Variants in IL1RAPL2 observed in about 807,000 individuals in gnomAD.
IL1RAPL2 encodes the protein X-linked interleukin-1 receptor accessory protein-like 2.
IL1RAPL2 carries 3 observed loss-of-function variants against 44.1 expected under a neutral mutation model. That is an observed-to-expected ratio of 0.07 (90% CI 0.03 to 0.18). The LOEUF (loss-of-function observed/expected upper bound fraction) is 0.18, where lower values mean the gene tolerates loss of function less well. IL1RAPL2 is among the 10% of genes least tolerant of loss of function. The pLI is 1.00. For missense variants in IL1RAPL2, 391 were observed against 496.4 expected (o/e 0.79, Z 2.02); for synonymous variants, 181 against 178.8 (o/e 1.01, Z -0.10).
At chrX:105,237,181 A>C (rs2034127537) in intron 4 of IL1RAPL2, among the ~76,000 whole-genome samples, 1 of 111,879 alleles carries the variant, frequency 8.9e-6, no homozygotes, top group Non-Finnish European at 1.9e-5. Context: ...TGAACTCATC[A>C]TTTTTTATGG....
intron 2 of IL1RAPL2, among the ~76,000 whole-genome samples, chrX:104,885,567 C>T (rs1422116628): frequency 8.9e-6 from 1 of 111,801 alleles, no homozygotes; most frequent in Admixed American, 9.5e-5. Context: ...GCTCCAAAAG[C>T]AAGCCCTGGG....
chrX:105,677,881 A>G lies in IL1RAPL2; in HGVS notation c.773-39486A>G, dbSNP rs765388828. Among the ~76,000 whole-genome samples, 45 of 112,119 alleles carry G rather than the reference A, an allele frequency of 4.0e-4. 1 individual carries two copies. The highest frequency in any genetic ancestry group is 1.4e-3 in the African/African-American group (43 of 30,891). The stretch of plus-strand genomic sequence containing the variant: ...TCTGATGGAGATTGCAGTGTAGTCA[A>G]ATTCTACCACATATTAGCCTATTAA... On this transcript the variant is annotated intron_variant, in intron 6 of 10. Coordinates refer to ENST00000372582, the MANE Select transcript of IL1RAPL2 (RefSeq NM_017416.2).
chrX:104,820,428 G>A (rs1383180403), intron 2 of IL1RAPL2, among the ~76,000 whole-genome samples: 2 of 111,359 alleles, frequency 1.8e-5, no homozygotes, highest in African/African-American at 3.3e-5. Flanking sequence ...AGACCTGTGT[G>A]TGCTTGCTTG....
chrX:104,868,022 G>A (rs901468359), intron 2 of IL1RAPL2, among the ~76,000 whole-genome samples: 3 of 111,698 alleles, frequency 2.7e-5, no homozygotes, highest in African/African-American at 9.8e-5. Context: ...AAGGCACTAG[G>A]TAGGGGGTAC....
intron 6 of IL1RAPL2, among the ~76,000 whole-genome samples, chrX:105,698,647 A>G (rs1391608286): frequency 8.9e-6 from 1 of 112,290 alleles, no homozygotes; most frequent in African/African-American, 3.2e-5. Context: ...GGATAATAAC[A>G]TGTCCTTAAG....
At chrX:105,116,098 C>T (rs761359467) in intron 2 of IL1RAPL2, among the ~76,000 whole-genome samples, 3 of 37,525 alleles carry the variant, frequency 8.0e-5, no homozygotes, top group South Asian at 4.3e-3. Context: ...CCCTTCACAC[C>T]TCCCTGCAAG....
chrX:104,990,710 A>T (rs1034000912), intron 2 of IL1RAPL2, among the ~76,000 whole-genome samples: 1 of 111,777 alleles, frequency 8.9e-6, no homozygotes, highest in Non-Finnish European at 1.9e-5. Context: ...TATATTGCAT[A>T]TTATTATTCA....
intron 2 of IL1RAPL2, among the ~76,000 whole-genome samples, chrX:104,690,879 G>A (rs1439203324): frequency 1.8e-5 from 2 of 111,842 alleles, no homozygotes; most frequent in African/African-American, 6.5e-5. Flanking sequence ...TAGGAAATAT[G>A]TCTTGAAGTA....
intron 2 of IL1RAPL2, among the ~76,000 whole-genome samples, chrX:104,812,699 C>T (rs1229799425): frequency 9.0e-6 from 1 of 110,884 alleles, no homozygotes; most frequent in Non-Finnish European, 1.9e-5. Context: ...AAATTATAGT[C>T]ACTATTTAAG....
At chrX:105,760,055 C>G (rs1466757883) in intron 10 of IL1RAPL2, among the ~76,000 whole-genome samples, 1 of 111,261 alleles carries the variant, frequency 9.0e-6, no homozygotes, top group African/African-American at 3.3e-5. Flanking sequence ...TGAACGTGTC[C>G]ATTATCCCCT....
chrX:105,048,437 T>A lies in IL1RAPL2; in HGVS notation c.83-147038T>A, dbSNP rs754540458. 3.9e-4 allele frequency among the ~76,000 whole-genome samples: 44 copies of A among 112,076 alleles called. 1 individual carries two copies. In the South Asian group the frequency reaches 0.014, roughly 37 times the overall value. ...TTTCTGGTAACCAAACTAAAAAATA[T>A]AAAATAAAACAAGTAAAATGAAATT... is the stretch of plus-strand genomic sequence containing the variant. On this transcript the variant is annotated intron_variant, in intron 2 of 10. Transcript: ENST00000372582.
Position 104,693,064 on chromosome X carries a change from G to A in IL1RAPL2, c.82+34069G>A, listed in dbSNP as rs189049752. Among the ~76,000 whole-genome samples the A allele has an allele frequency of 2.7e-5, 3 of 112,107 alleles. No homozygotes were observed. In the East Asian group the frequency reaches 8.5e-4, roughly 32 times the overall value. On this transcript the variant is annotated intron_variant, in intron 2 of 10. Coordinates refer to ENST00000372582, the MANE Select transcript of IL1RAPL2 (RefSeq NM_017416.2). The stretch of plus-strand genomic sequence containing the variant: ...AACTGGTGTGATTATATTTTTAACA[G>A]TAGAAGCAGACTTTGCTGGACTCTT...
chrX:105,532,026 T>C (rs1230916237), intron 6 of IL1RAPL2, among the ~76,000 whole-genome samples: 2 of 112,005 alleles, frequency 1.8e-5, no homozygotes, highest in African/African-American at 6.5e-5. Context: ...CCATTAGTTG[T>C]TGAACACTTT....
intron 5 of IL1RAPL2, among the ~76,000 whole-genome samples, chrX:105,465,588 A>C (rs956984139): frequency 5.4e-5 from 6 of 111,989 alleles, no homozygotes; most frequent in African/African-American, 1.9e-4. Flanking sequence ...CTTTGTATAG[A>C]AACAGACCCT....
chrX:105,598,733 A>G (rs2037229761), intron 6 of IL1RAPL2, among the ~76,000 whole-genome samples: 1 of 111,894 alleles, frequency 8.9e-6, no homozygotes. Flanking sequence ...CCTACCTGCA[A>G]TGTAACCTCC....
chrX:104,787,774 G>A (rs1602727568), intron 2 of IL1RAPL2, among the ~76,000 whole-genome samples: 1 of 111,469 alleles, frequency 9.0e-6, no homozygotes, highest in South Asian at 3.8e-4. Flanking sequence ...TGCAGCATGA[G>A]ATCTTGCCTT....
intron 2 of IL1RAPL2, among the ~76,000 whole-genome samples, chrX:105,140,609 C>T (rs1304307567): frequency 3.6e-5 from 4 of 112,126 alleles, no homozygotes; most frequent in Admixed American, 2.8e-4. Flanking sequence ...ATACAATACT[C>T]ATGGAATAGC....
chrX:104,598,331 T>G (rs1928808241), intron 1 of IL1RAPL2, among the ~76,000 whole-genome samples: 1 of 111,718 alleles, frequency 9.0e-6, no homozygotes, highest in Non-Finnish European at 1.9e-5. Context: ...GTTTGTGCAG[T>G]CATTTTTTGT....
At chrX:105,073,814 GT>G (rs1177658779) in intron 2 of IL1RAPL2, among the ~76,000 whole-genome samples, 3 of 111,783 alleles carry the variant, frequency 2.7e-5, no homozygotes, top group Non-Finnish European at 3.8e-5. Flanking sequence ...TTTTTCATGT[GT>G]TTTTTTGGCT....
Sources: allele counts gnomAD v4.1 joint callset (sites outside exome capture counted in the v4.1 genomes callset), GRCh38; gene constraint gnomAD v4.1.1; transcripts MANE v1.5; gene names NCBI Gene and HGNC (gene_info 2026-07-23, HGNC 2026-07-21).